TMED5: variants seen among roughly 807,000 people sequenced by gnomAD.
TMED5 encodes transmembrane p24 trafficking protein 5.
In TMED5, 27 loss-of-function variants were observed where a neutral mutation model predicts 23.0. The ratio of observed to expected loss-of-function variants is 1.17; its 90% CI spans 0.86 to 1.62. The LOEUF is 1.62. Among genes scored for constraint, TMED5 ranks in the 40% most tolerant of loss-of-function variants. The pLI is 0.00. For missense variants in TMED5, 248 were observed against 273.7 expected (o/e 0.91, Z 0.66); for synonymous variants, 97 against 100.8 (o/e 0.96, Z 0.23).
intron 1 of TMED5, among the ~76,000 whole-genome samples, chr1:93,175,314 TATACACAC>T (rs1483060703): frequency 1.8e-5 from 2 of 109,058 alleles, no homozygotes; most frequent in East Asian, 5.5e-4. Context: ...TATATATATA[TATACACAC>T]ACACACACAC....
At chr1:93,156,807 C>CAAAAA (rs10572798) in intron 2 of TMED5, among the ~76,000 whole-genome samples, 3 of 90,470 alleles carry the variant, frequency 3.3e-5, no homozygotes, top group Admixed American at 1.2e-4. Context: ...GATCCTGTCT[C>CAAAAA]AAAAAAAAAA....
At chr1:93,171,253 G>T (rs1483584113) in intron 1 of TMED5, among the ~76,000 whole-genome samples, 6 of 151,970 alleles carry the variant, frequency 3.9e-5, no homozygotes, top group Non-Finnish European at 8.8e-5. Context: ...CTGAGCCAGC[G>T]AGACCACAAA....
In TMED5 at chr1:93,152,359, AAATGG is replaced by A. The variant is rs1647909660; in HGVS notation, c.*2306_*2310del. The A allele has an allele frequency of 6.6e-6, 1 of 152,456 alleles. No individual in the cohort carries two copies. Among genetic ancestry groups the A allele is most frequent in the African/African-American group, 2.4e-5 (1 of 41,466 alleles). The allele number at this position is 152,456 out of a possible 1,614,324, so 9.4% of individuals were successfully genotyped here. On this transcript the variant is annotated 3_prime_UTR_variant, in exon 4 of 4. Transcript: ENST00000370282. ...TCAATTTAGCATAACTTTAATTTAG[AAATGG>A]AATAGTGAAATTAAAAAAAGCATAT...
At position 93,150,941 on chromosome 1, in the gene TMED5, AAAACAACAC is replaced by A. The variant is rs1300709859; in HGVS notation, c.*3720_*3728del. 6.6e-6 allele frequency: 1 copy of A among 152,220 alleles called. No individual in the cohort carries two copies. Among genetic ancestry groups the A allele is most frequent in the Non-Finnish European group, 1.5e-5 (1 of 68,042 alleles). 9.4% of individuals were successfully genotyped at this position (152,220 alleles called of 1,614,324 possible). ...ATCTAAGCTTGTTAAAACAGAAACA[AAAACAACAC>A]AAGTACTAAAACGAGGGTTTTTGTT... On this transcript the variant is annotated 3_prime_UTR_variant, in exon 4 of 4. Transcript: ENST00000370282.
chr1:93,165,635 A>G (rs1382382056), intron 1 of TMED5, among the ~76,000 whole-genome samples: 5 of 152,220 alleles, frequency 3.3e-5, no homozygotes, highest in Non-Finnish European at 5.9e-5. Flanking sequence ...TAGGCATGCA[A>G]TGCATATTAA....
At chr1:93,174,634 G>A (rs570609387) in intron 1 of TMED5, among the ~76,000 whole-genome samples, 5 of 152,156 alleles carry the variant, frequency 3.3e-5, no homozygotes, top group Non-Finnish European at 5.9e-5. Flanking sequence ...GTGCCTCTCT[G>A]TCCTTCCACC....
At chr1:93,168,706 G>A (rs186070211) in intron 1 of TMED5, among the ~76,000 whole-genome samples, 3 of 152,140 alleles carry the variant, frequency 2.0e-5, no homozygotes, top group African/African-American at 7.2e-5. Flanking sequence ...ATGGTGGCAC[G>A]TGCCTGTAGT....
In TMED5 at chr1:93,160,191, A is replaced by G; in HGVS notation, c.225T>C (p.His75=). Residue 75 remains histidine (H), a synonymous_variant, in exon 2 of 4, where the codon CAT becomes CAC. Transcript: ENST00000370282. ...LDGAGLDIDF[H]LASPEGKTLV... ...AGGTTTTGCCTTCTGGAGAGGCAAG[A>G]TGGAAATCAATATCTAATCCTGCTC... 6.2e-7 allele frequency: 1 copy of G among 1,613,032 alleles called. No homozygotes were observed.
rs745782370 is a variant in TMED5 at position 93,165,020 on chromosome 1, AG to A, written c.190-4795del. On this transcript the variant is annotated intron_variant, in intron 1 of 3. Coordinates refer to ENST00000370282, the MANE Select transcript of TMED5 (RefSeq NM_016040.5). ...AGAGAGGCTCACATGGCAAGAAACA[AG>A]GAAGGCCTCTGGCCAACAGCTTGTA... Among the ~76,000 whole-genome samples the A allele has an allele frequency of 3.9e-5, 6 of 152,370 alleles. No individual in the cohort carries two copies. The East Asian group carries it at 5.8e-4, about 15-fold the overall frequency.
chr1:93,173,445 A>G (rs1648797431), intron 1 of TMED5, among the ~76,000 whole-genome samples: 1 of 152,244 alleles, frequency 6.6e-6, no homozygotes, highest in African/African-American at 2.4e-5. Flanking sequence ...GAGATTAAGA[A>G]GCTTGGATGA....
At chr1:93,177,344 G>A (rs945063763) in intron 1 of TMED5, among the ~76,000 whole-genome samples, 5 of 152,122 alleles carry the variant, frequency 3.3e-5, no homozygotes, top group South Asian at 2.1e-4. Flanking sequence ...TTTGGAGGCT[G>A]AGGCTGGCAG....
At chr1:93,170,114 G>A (rs1648658913) in intron 1 of TMED5, among the ~76,000 whole-genome samples, 1 of 152,184 alleles carries the variant, frequency 6.6e-6, no homozygotes, top group African/African-American at 2.4e-5. Flanking sequence ...ACAGCATGCT[G>A]GCAGCCCTGG....
chr1:93,154,793 T>G lies in TMED5; in HGVS notation c.567A>C (p.Glu189Asp). The change falls in exon 4 of 4, where the codon GAA becomes GAC. Residue 189 changes from glutamate to aspartate, a missense_variant. Transcript: ENST00000370282. ...AFEARDRNIQ[E>D]SNFDRVNFWS... The stretch of plus-strand genomic sequence containing the variant: ...AGAAATTGACTCTATCAAAGTTGCT[T>G]TCTTGTATGTTTCGATCACGAGCTT... 1 of 1,614,128 alleles carries G rather than the reference T, an allele frequency of 6.2e-7. No individual in the cohort carries two copies. Among genetic ancestry groups the G allele is most frequent in the Non-Finnish European group, 8.5e-7 (1 of 1,180,004 alleles).
rs1647871451 is a variant in TMED5 at position 93,151,412 on chromosome 1, A to G, written c.*3258T>C. 4 of 152,364 alleles carry G rather than the reference A, an allele frequency of 2.6e-5. No homozygotes were observed. The South Asian group carries it at 8.3e-4, about 32-fold the overall frequency. 9.4% of individuals were successfully genotyped at this position (152,364 alleles called of 1,614,324 possible). On this transcript the variant is annotated 3_prime_UTR_variant, in exon 4 of 4. Coordinates refer to ENST00000370282, the MANE Select transcript of TMED5 (RefSeq NM_016040.5). ...GTTTTAAAATATTTCTGAAAATGAA[A>G]TAGTCTCAAAGGAGTTTTGATTTTG...
intron 1 of TMED5, among the ~76,000 whole-genome samples, chr1:93,175,754 C>T (rs1292961175): frequency 6.6e-6 from 1 of 152,200 alleles, no homozygotes; most frequent in East Asian, 1.9e-4. Flanking sequence ...CTCCCAAAAA[C>T]TCACCCAGAT....
At chr1:93,156,132 A>G (rs190904232) in intron 3 of TMED5, 168 bp downstream of exon 3, 587 of 1,167,908 alleles carry the variant, frequency 5.0e-4, no homozygotes, top group Admixed American at 2.4e-3. Context: ...TATTAATATA[A>G]AATAAAATTA....
At chr1:93,170,128 G>T (rs1333289011) in intron 1 of TMED5, among the ~76,000 whole-genome samples, 1 of 152,204 alleles carries the variant, frequency 6.6e-6, no homozygotes, top group African/African-American at 2.4e-5. Context: ...GCCCTGGCTC[G>T]CTCTCAGCGC....
At chr1:93,172,613 C>A (rs913255434) in intron 1 of TMED5, among the ~76,000 whole-genome samples, 2 of 152,002 alleles carry the variant, frequency 1.3e-5, no homozygotes, top group African/African-American at 4.8e-5. Context: ...CACAGCAAGA[C>A]CTCATCTCAA....
chr1:93,174,682 G>A (rs573473988), intron 1 of TMED5, among the ~76,000 whole-genome samples: 1 of 152,092 alleles, frequency 6.6e-6, no homozygotes, highest in Non-Finnish European at 1.5e-5. Context: ...TGTTGTTTCC[G>A]TCTTTGTGTT....
Sources: gnomAD v4.1 joint callset for allele counts (sites outside exome capture counted in the v4.1 genomes callset) on GRCh38, gnomAD v4.1.1 for gene constraint, MANE v1.5 for transcripts, NCBI Gene and HGNC (gene_info 2026-07-23, HGNC 2026-07-21) for gene names.